Variants in PGAP1 observed in about 807,000 individuals in gnomAD.
The protein encoded by PGAP1 is post-GPI attachment to proteins inositol deacylase 1, also known as GPI inositol-deacylase.
Under a neutral mutation model 127.0 loss-of-function variants are expected in PGAP1, and 76 were observed. That is an observed-to-expected ratio of 0.60 (90% CI 0.50 to 0.72). PGAP1 has a LOEUF of 0.72. Among genes scored for constraint, PGAP1 ranks in the 30% least tolerant of loss-of-function variants. The pLI is 0.00. For synonymous variants in PGAP1, 362 were observed against 366.5 expected, an observed-to-expected ratio of 0.99 and a Z score of 0.14; for missense variants, 982 against 1,071.3, an observed-to-expected ratio of 0.92 and a Z score of 1.16.
rs1700367632 is a variant in PGAP1, at chr2:196,840,193, A to T, written c.*1041T>A. On this transcript the variant is annotated 3_prime_UTR_variant, in exon 27 of 27. Transcript: ENST00000354764. The stretch of plus-strand genomic sequence containing the variant: ...TAATGTCTCCAATTTATTCAGGTGT[A>T]CTGTTTATACTCATGCTACTAATGG... 2.0e-5 allele frequency: 3 copies of T among 152,212 alleles called. No homozygotes were observed. Among genetic ancestry groups the T allele is most frequent in the Admixed American group, 6.5e-5 (1 of 15,286 alleles). The allele number at this position is 152,212 out of a possible 1,614,324, so 9.4% of individuals were successfully genotyped here.
intron 3 of PGAP1, among the ~76,000 whole-genome samples, chr2:196,914,933 C>A (rs1479448902): frequency 6.6e-6 from 1 of 151,844 alleles, no homozygotes; most frequent in African/African-American, 2.4e-5. Context: ...CCTCCTACCT[C>A]AGCCTCCCAA....
intron 25 of PGAP1, among the ~76,000 whole-genome samples, chr2:196,843,428 C>T (rs575839634): frequency 6.6e-6 from 1 of 152,198 alleles, no homozygotes; most frequent in South Asian, 2.1e-4. Flanking sequence ...AAAAAATTCC[C>T]AGTATTTAGA....
intron 20 of PGAP1, among the ~76,000 whole-genome samples, chr2:196,861,897 A>C (rs1003664998): frequency 4.0e-5 from 6 of 151,330 alleles, no homozygotes; most frequent in Non-Finnish European, 5.9e-5. Context: ...TCTTTACCTT[A>C]ATCTCTTAAT....
At chr2:196,904,807 G>C (rs368265053) in intron 4 of PGAP1, among the ~76,000 whole-genome samples, 1 of 152,090 alleles carries the variant, frequency 6.6e-6, no homozygotes, top group South Asian at 2.1e-4. Flanking sequence ...CACGTGGGGA[G>C]GCTACTTAGC....
chr2:196,855,374 C>G (rs1700846456), intron 20 of PGAP1, among the ~76,000 whole-genome samples: 2 of 148,928 alleles, frequency 1.3e-5, no homozygotes, highest in African/African-American at 2.5e-5. Flanking sequence ...CCTCCCAAAG[C>G]ATTGATATTA....
intron 5 of PGAP1, among the ~76,000 whole-genome samples, chr2:196,901,889 T>G (rs1408210705): frequency 1.3e-5 from 2 of 152,236 alleles, no homozygotes; most frequent in African/African-American, 2.4e-5. Flanking sequence ...TGGATTCCCC[T>G]GGATTCCAGT....
In PGAP1 at chr2:196,898,378, A is replaced by G. The variant is rs1403276496; in HGVS notation, c.808-9T>C. ...TTAGGCACTGCTGAACTCTAAAAGA[A>G]AAGAAAAAAATAAACTTACGAAAAG... On this transcript the variant is annotated splice_polypyrimidine_tract_variant and intron_variant, in intron 5 of 26. Coordinates refer to ENST00000354764, the MANE Select transcript of PGAP1 (RefSeq NM_024989.4). 1 of 1,598,144 alleles carries G rather than the reference A, an allele frequency of 6.3e-7. No homozygotes were observed. Among genetic ancestry groups the G allele is most frequent in the Admixed American group, 1.7e-5 (1 of 58,398 alleles).
intron 20 of PGAP1, among the ~76,000 whole-genome samples, chr2:196,855,304 G>A (rs1700842451): frequency 1.6e-5 from 2 of 126,094 alleles, no homozygotes; most frequent in Admixed American, 1.9e-4. Flanking sequence ...CTAGCCTGGC[G>A]ACAGAGCGAG....
At chr2:196,905,239 A>G (rs1195872938) in intron 4 of PGAP1, among the ~76,000 whole-genome samples, 2 of 152,188 alleles carry the variant, frequency 1.3e-5, no homozygotes, top group African/African-American at 2.4e-5. Context: ...TACACCACAC[A>G]GAATGCAACA....
At chr2:196,880,046 T>C (rs1453900391) in intron 13 of PGAP1, 30 bp downstream of exon 13, 1 of 1,504,812 alleles carries the variant, frequency 6.6e-7, no homozygotes, top group Non-Finnish European at 9.2e-7. Flanking sequence ...CTCCAAAACA[T>C]TCTAATAACA....
At position 196,909,906 on chromosome 2, in the gene PGAP1, A is replaced by G. The variant is rs1348723417; in HGVS notation, c.649+2976T>C. 2.4e-3 allele frequency among the ~76,000 whole-genome samples: 14 copies of G among 5,880 alleles called. 1 individual carries two copies. The highest frequency in any genetic ancestry group is 0.02 in the African/African-American group (14 of 710). The allele number at this position is 5,880 out of a possible 152,430, so 3.9% of individuals were successfully genotyped here. A position where few individuals can be genotyped will look rare whatever the true frequency, so the allele number is the denominator to read the frequency against. ...GGAATCCAAATTACAAGGGATGTGAAGGACCTCTTCAAGGAGAACTACAAA... is the reference window on the plus strand; with the variant it reads ...GGAATCCAAATTACAAGGGATGTGAGGGACCTCTTCAAGGAGAACTACAAA... On this transcript the variant is annotated intron_variant, in intron 4 of 26. Transcript: ENST00000354764.
chr2:196,877,670 G>A (rs1274178349), intron 13 of PGAP1: 1 of 152,030 alleles, frequency 6.6e-6, no homozygotes, highest in Non-Finnish European at 1.5e-5. Context: ...CCATTATAAG[G>A]TACTTGTGAG....
intron 20 of PGAP1, among the ~76,000 whole-genome samples, chr2:196,859,569 A>G (rs1159122459): frequency 1.3e-5 from 2 of 152,226 alleles, no homozygotes; most frequent in Non-Finnish European, 2.9e-5. Flanking sequence ...CAAAAAAAGA[A>G]AAGTACAGGC....
At chr2:196,885,994 G>T in intron 10 of PGAP1, 114 bp from the exon 11 acceptor site, 1 of 553,902 alleles carries the variant, frequency 1.8e-6, no homozygotes, top group Non-Finnish European at 2.8e-6. Context: ...GTGACTAGGA[G>T]CAAGTGAAAC....
At chr2:196,912,638 TA>T (rs1702867946) in intron 4 of PGAP1, among the ~76,000 whole-genome samples, 1 of 106,930 alleles carries the variant, frequency 9.4e-6, no homozygotes, top group South Asian at 3.0e-4. Context: ...CTAGAAATTA[TA>T]AAACACATGT....
intron 1 of PGAP1, among the ~76,000 whole-genome samples, chr2:196,926,052 C>G (rs1034619529): frequency 1.3e-5 from 2 of 151,996 alleles, no homozygotes; most frequent in Admixed American, 1.3e-4. Context: ...AAGGAAGGTC[C>G]TGGGGCACGG....
At chr2:196,889,758 C>A (rs1035180470) in intron 10 of PGAP1, among the ~76,000 whole-genome samples, 3 of 149,508 alleles carry the variant, frequency 2.0e-5, no homozygotes, top group African/African-American at 7.4e-5. Flanking sequence ...ACTCTGGAGG[C>A]TGAGGCAGGA....
Position 196,913,324 on chromosome 2 carries a change from G to T in PGAP1, c.478-271C>A, listed in dbSNP as rs4850405. 0.89 allele frequency among the ~76,000 whole-genome samples: 134,792 copies of T among 152,226 alleles called. 59,699 individuals are homozygous for T. The highest frequency in any genetic ancestry group is 0.97 in the East Asian group (5,048 of 5,178). On this transcript the variant is annotated intron_variant, in intron 3 of 26. Transcript: ENST00000354764. Reference sequence around the variant, plus strand: ...TCTAGCAAATCATGTTTATACTGTTGGTTACACTACATGTAATGTGAGGAG... The same window carrying T: ...TCTAGCAAATCATGTTTATACTGTTTGTTACACTACATGTAATGTGAGGAG...
In PGAP1 at chr2:196,916,713, A is replaced by G. The variant is rs1405789429; in HGVS notation, c.302-120T>C. On this transcript the variant is annotated intron_variant, in intron 2 of 26. Transcript: ENST00000354764. ...ATCACGAATATAAACCACCTATTTC[A>G]GGATGAAATTCATTAATAGCACCAA... is the stretch of plus-strand genomic sequence containing the variant. The G allele has an allele frequency of 3.0e-6, 3 of 993,672 alleles. No individual in the cohort carries two copies. In the African/African-American group the frequency reaches 5.0e-5, roughly 17 times the overall value. 61.6% of individuals were successfully genotyped at this position (993,672 alleles called of 1,614,324 possible). A position where few individuals can be genotyped will look rare whatever the true frequency, so the allele number is the denominator to read the frequency against.
Sources: allele counts gnomAD v4.1 joint callset (sites outside exome capture counted in the v4.1 genomes callset), GRCh38; gene constraint gnomAD v4.1.1; transcripts MANE v1.5; gene names NCBI Gene and HGNC (gene_info 2026-07-23, HGNC 2026-07-21).